The following CCL16 variants were observed in gnomAD, a reference collection of about 807,000 sequenced individuals.
The protein encoded by CCL16 is C-C motif chemokine 16.
Under a neutral mutation model 7.5 loss-of-function variants are expected in CCL16, and 6 were observed. The ratio of observed to expected loss-of-function variants is 0.80; its 90% CI spans 0.44 to 1.57. The LOEUF (loss-of-function observed/expected upper bound fraction) is 1.57. CCL16 is among the 40% of genes most tolerant of loss of function. CCL16 has a pLI of 0.01. For missense variants in CCL16, 134 were observed against 142.9 expected (o/e 0.94, Z 0.32); for synonymous variants, 60 against 57.7 (o/e 1.04, Z -0.18).
intron 1 of CCL16, among the ~76,000 whole-genome samples, chr17:35,979,357 T>C (rs2089664124): frequency 6.6e-6 from 1 of 151,970 alleles, no homozygotes; most frequent in African/African-American, 2.4e-5. Context: ...GACTCTATCT[T>C]AGAGGTATTG....
Position 35,977,622 on chromosome 17 carries a change from T to C in CCL16, c.307A>G (p.Thr103Ala). 4 of 1,612,596 alleles carry C rather than the reference T, an allele frequency of 2.5e-6. No individual in the cohort carries two copies. Among genetic ancestry groups the C allele is most frequent in the Non-Finnish European group, 3.4e-6 (4 of 1,180,010 alleles). Residue 103 changes from threonine to alanine, a missense_variant, in exon 3 of 3, where the codon ACG becomes GCG. Transcript: ENST00000611905. ...LPLLPTRNLSTVKIITAKNGQ... is the reference protein window; with the variant it reads ...LPLLPTRNLSAVKIITAKNGQ... ...TTCTTTGCTGTAATAATTTTAACCG[T>C]GGACAAGTTCCTGGTAGGCAGCAAA...
intron 1 of CCL16, among the ~76,000 whole-genome samples, chr17:35,980,899 T>C (rs1409306290): frequency 6.6e-6 from 1 of 152,206 alleles, no homozygotes; most frequent in Non-Finnish European, 1.5e-5. Context: ...AAGGGCTCTC[T>C]CGGTTCAGAC....
intron 1 of CCL16, among the ~76,000 whole-genome samples, chr17:35,979,571 A>G (rs2089665322): frequency 1.3e-5 from 2 of 152,112 alleles, no homozygotes; most frequent in Admixed American, 6.6e-5. Flanking sequence ...AGTGGGGGTA[A>G]ATGATACTTA....
intron 1 of CCL16, among the ~76,000 whole-genome samples, chr17:35,981,005 C>T (rs965612317): frequency 5.9e-5 from 9 of 152,142 alleles, no homozygotes; most frequent in Non-Finnish European, 1.2e-4. Context: ...CTTTCTCATC[C>T]GCGTGCCTCC....
In CCL16 at chr17:35,981,486, C is replaced by T. The variant is rs1049005670; in HGVS notation, c.-66G>A. 3.0e-5 allele frequency: 35 copies of T among 1,157,288 alleles called. No individual in the cohort carries two copies. The highest frequency in any genetic ancestry group is 1.5e-4 in the South Asian group (11 of 74,304). The allele number at this position is 1,157,288 out of a possible 1,614,324, so 71.7% of individuals were successfully genotyped here. A position where few individuals can be genotyped will look rare whatever the true frequency, so the allele number is the denominator to read the frequency against. ...AAGATGTTGTCTGTTGCTGGTGGTC[C>T]GCTTGCCAACTACTCAGCTCTCTGG... On this transcript the variant is annotated 5_prime_UTR_variant, in exon 1 of 3. Transcript: ENST00000611905.
chr17:35,977,792 C>T, intron 2 of CCL16, 61 bp from the exon 3 acceptor site: 1 of 1,555,478 alleles, frequency 6.4e-7, no homozygotes. Context: ...CGGTGCCCAC[C>T]CCCACCTCTG....
chr17:35,979,662 G>T (rs1178932393), intron 1 of CCL16, among the ~76,000 whole-genome samples: 1 of 152,096 alleles, frequency 6.6e-6, no homozygotes, highest in African/African-American at 2.4e-5. Context: ...ACACAGAAAG[G>T]CTCAATCAGT....
chr17:35,977,504 C>T lies in CCL16; in HGVS notation c.*62G>A, dbSNP rs2089646933. 4 of 1,480,828 alleles carry T rather than the reference C, an allele frequency of 2.7e-6. No individual in the cohort carries two copies. The highest frequency in any genetic ancestry group is 2.5e-5 in the South Asian group (2 of 81,210). The allele number at this position is 1,480,828 out of a possible 1,614,324, so 91.7% of individuals were successfully genotyped here. On this transcript the variant is annotated 3_prime_UTR_variant, in exon 3 of 3. Transcript: ENST00000611905. ...GCTAGTTTCAGCCTAATAAGGCTTC[C>T]CCTGTTTTCATAGGTTTACCCCTCT... is the stretch of plus-strand genomic sequence containing the variant.
chr17:35,978,080 TC>T (rs2089652892), intron 2 of CCL16, 62 bp downstream of exon 2: 4 of 1,607,612 alleles, frequency 2.5e-6, no homozygotes, highest in African/African-American at 1.3e-5. Context: ...ATCCCATGTA[TC>T]TCATTCCTGC....
In CCL16 at chr17:35,977,492, T is replaced by A; in HGVS notation, c.*74A>T. On this transcript the variant is annotated 3_prime_UTR_variant, in exon 3 of 3. Coordinates refer to ENST00000611905, the MANE Select transcript of CCL16 (RefSeq NM_004590.4). ...TCAATGTGACTGGCTAGTTTCAGCC[T>A]AATAAGGCTTCCCCTGTTTTCATAG... is the stretch of plus-strand genomic sequence containing the variant. 1 of 1,361,386 alleles carries A rather than the reference T, an allele frequency of 7.3e-7. No homozygotes were observed. The highest frequency in any genetic ancestry group is 2.3e-5 in the East Asian group (1 of 43,528). 84.3% of individuals were successfully genotyped at this position (1,361,386 alleles called of 1,614,324 possible). A position where few individuals can be genotyped will look rare whatever the true frequency, so the allele number is the denominator to read the frequency against.
chr17:35,977,719 C>G lies in CCL16; in HGVS notation c.210G>C (p.Lys70Asn). ...CHLPAIIFVTKRNREVCTNPN... is the reference protein window; with the variant it reads ...CHLPAIIFVTNRNREVCTNPN... ...GGTTGGTGCAGACTTCTCGGTTCCT[C>G]TTGGTGACGAAGCTGCAGAGGCAGA... The change falls in exon 3 of 3, where the codon AAG (lysine) becomes AAC (asparagine). Residue 70 changes from lysine to asparagine, a missense_variant. By Grantham distance (94) the Lys-to-Asn change is moderately conservative. Coordinates refer to ENST00000611905, the MANE Select transcript of CCL16 (RefSeq NM_004590.4). 6.2e-7 allele frequency: 1 copy of G among 1,611,976 alleles called. No homozygotes were observed.
At chr17:35,979,611 G>A (rs972343009) in intron 1 of CCL16, among the ~76,000 whole-genome samples, 4 of 152,084 alleles carry the variant, frequency 2.6e-5, no homozygotes, top group South Asian at 2.1e-4. Flanking sequence ...GTTAGAATTC[G>A]GTGAGAAAAT....
At position 35,978,774 on chromosome 17, in the gene CCL16, T is replaced by C. The variant is rs145483849; in HGVS notation, c.77-511A>G. On this transcript the variant is annotated intron_variant, in intron 1 of 2. Transcript: ENST00000611905. ...AGAATGAAGGGCCCCTAACCCATCCTTGGTGGTTGAGGAAGAAGTCTCAAA... is the reference window on the plus strand; with the variant it reads ...AGAATGAAGGGCCCCTAACCCATCCCTGGTGGTTGAGGAAGAAGTCTCAAA... The C allele has an allele frequency of 4.6e-4, 72 of 156,616 alleles. 1 individual carries two copies. In the East Asian group the frequency reaches 0.012, roughly 26 times the overall value. 9.7% of individuals were successfully genotyped at this position (156,616 alleles called of 1,614,324 possible). A position where few individuals can be genotyped will look rare whatever the true frequency, so the allele number is the denominator to read the frequency against.
intron 1 of CCL16, among the ~76,000 whole-genome samples, chr17:35,979,459 G>A (rs2089664815): frequency 6.6e-6 from 1 of 152,152 alleles, no homozygotes; most frequent in Non-Finnish European, 1.5e-5. Context: ...TTAGGCTTTG[G>A]GGTCAGACAG....
rs201562530 is a variant in CCL16, at chr17:35,981,434, C to T, written c.-14G>A. The T allele has an allele frequency of 5.9e-5, 94 of 1,597,730 alleles. No individual in the cohort carries two copies. In the African/African-American group the frequency reaches 1.2e-3, roughly 20 times the overall value. On this transcript the variant is annotated 5_prime_UTR_variant, in exon 1 of 3. Coordinates refer to ENST00000611905, the MANE Select transcript of CCL16 (RefSeq NM_004590.4). Reference sequence around the variant, plus strand: ...GGAGACCTTCATCCTCTCAGCGAGGCAGTACAGCTTCAGGGAGAGCCGAAT... The same window carrying T: ...GGAGACCTTCATCCTCTCAGCGAGGTAGTACAGCTTCAGGGAGAGCCGAAT...
intron 2 of CCL16, 77 bp downstream of exon 2, chr17:35,978,066 C>G: frequency 1.9e-6 from 3 of 1,593,536 alleles, no homozygotes; most frequent in Non-Finnish European, 2.6e-6. Context: ...ATGGAGACCT[C>G]TTGATCCCAT....
At position 35,978,149 on chromosome 17, in the gene CCL16, G is replaced by A. The variant is rs537862229; in HGVS notation, c.191C>T (p.Ala64Val). 2.5e-6 allele frequency: 4 copies of A among 1,614,174 alleles called. No individual in the cohort carries two copies. Among genetic ancestry groups the A allele is most frequent in the African/African-American group, 2.7e-5 (2 of 75,032 alleles). Residue 64 changes from alanine to valine, a missense_variant, in exon 2 of 3, where the codon GCA (alanine) becomes GTA (valine). Coordinates refer to ENST00000611905, the MANE Select transcript of CCL16 (RefSeq NM_004590.4). ...TCTAAAAGGACGTGCTTACATGATTGCTGGCAGGTGACAGTTGAGGGCCTT... is the reference window on the plus strand; with the variant it reads ...TCTAAAAGGACGTGCTTACATGATTACTGGCAGGTGACAGTTGAGGGCCTT... ...YRKALNCHLP[A>V]IIFVTKRNRE...
chr17:35,980,918 C>G (rs1270173036), intron 1 of CCL16, among the ~76,000 whole-genome samples: 1 of 152,194 alleles, frequency 6.6e-6, no homozygotes, highest in Non-Finnish European at 1.5e-5. Flanking sequence ...ACTCCCAATT[C>G]CTGGACTTAG....
intron 1 of CCL16, 122 bp from the exon 2 acceptor site, chr17:35,978,385 C>G: frequency 7.8e-7 from 1 of 1,282,184 alleles, no homozygotes; most frequent in Non-Finnish European, 1.1e-6. Context: ...TAGAGGAGAC[C>G]AATGATAGCT....
Sources: allele counts gnomAD v4.1 joint callset (sites outside exome capture counted in the v4.1 genomes callset), GRCh38; gene constraint gnomAD v4.1.1; transcripts MANE v1.5; gene names NCBI Gene and HGNC (gene_info 2026-07-23, HGNC 2026-07-21).